Variants in UGT1A10 observed in about 807,000 individuals in gnomAD.
UGT1A10 encodes the protein UDP-glucuronosyltransferase 1A10.
In UGT1A10, 49 loss-of-function variants were observed where a neutral mutation model predicts 45.8. The ratio of observed to expected loss-of-function variants is 1.07; its 90% CI spans 0.85 to 1.36. The LOEUF (loss-of-function observed/expected upper bound fraction) is 1.36, where lower values mean the gene tolerates loss of function less well. Ranked by LOEUF, UGT1A10 falls within the 40% of genes most tolerant of loss-of-function variation. The pLI is 0.00. For missense variants in UGT1A10, 745 were observed against 668.6 expected, an observed-to-expected ratio of 1.11 and a Z score of -1.26; for synonymous variants, 284 against 249.7, an observed-to-expected ratio of 1.14 and a Z score of -1.29.
chr2:233,646,714 A>C (rs2073612623), intron 1 of UGT1A10, among the ~76,000 whole-genome samples: 1 of 152,192 alleles, frequency 6.6e-6, no homozygotes, highest in Non-Finnish European at 1.5e-5. Context: ...TTTATTGTCC[A>C]TATTGCTATC....
At chr2:233,741,248 A>G (rs997599929) in intron 1 of UGT1A10, among the ~76,000 whole-genome samples, 1 of 152,014 alleles carries the variant, frequency 6.6e-6, no homozygotes, top group East Asian at 1.9e-4. Context: ...TGACACTGGT[A>G]TGCCACTCTT....
In UGT1A10 at chr2:233,743,890, G is replaced by A. The variant is rs376911193; in HGVS notation, c.856-23144G>A. On this transcript the variant is annotated intron_variant, in intron 1 of 4. Transcript: ENST00000344644. ...CCTCGGATGAGGCCTGCCGGGGCAC[G>A]TCCAGCACCTCGTAGTAGTCCACCA... 9.6e-5 allele frequency: 131 copies of A among 1,366,674 alleles called. 1 individual carries two copies. The highest frequency in any genetic ancestry group is 6.3e-4 in the Middle Eastern group (3 of 4,786). The allele number at this position is 1,366,674 out of a possible 1,614,324, so 84.7% of individuals were successfully genotyped here. A position where few individuals can be genotyped will look rare whatever the true frequency, so the allele number is the denominator to read the frequency against.
intron 1 of UGT1A10, chr2:233,713,970 T>A (rs2076359096): frequency 3.1e-6 from 5 of 1,600,488 alleles, no homozygotes; most frequent in Non-Finnish European, 4.3e-6. Context: ...ATTTCATTTC[T>A]GCTTCTCATT....
chr2:233,730,639 T>C (rs1444875009), intron 1 of UGT1A10, among the ~76,000 whole-genome samples: 1 of 152,130 alleles, frequency 6.6e-6, no homozygotes, highest in African/African-American at 2.4e-5. Context: ...TGGTGCATGA[T>C]GTGGGGACAT....
intron 1 of UGT1A10, among the ~76,000 whole-genome samples, chr2:233,657,207 T>C (rs1393237754): frequency 1.3e-5 from 2 of 152,214 alleles, no homozygotes; most frequent in East Asian, 3.8e-4. Flanking sequence ...TCCTGGCTCA[T>C]GGGCTTTATT....
chr2:233,668,715 C>T (rs543159385), intron 1 of UGT1A10, among the ~76,000 whole-genome samples: 1 of 152,208 alleles, frequency 6.6e-6, no homozygotes, highest in African/African-American at 2.4e-5. Flanking sequence ...TCTCTAGCAC[C>T]TATGTACATT....
intron 1 of UGT1A10, among the ~76,000 whole-genome samples, chr2:233,724,489 G>GGTT (rs2077269335): frequency 1.4e-5 from 1 of 73,260 alleles, no homozygotes; most frequent in Non-Finnish European, 2.9e-5. Context: ...CAGACGGGGC[G>GGTT]GCCGGGCAGA....
chr2:233,761,904 G>A (rs887991064), intron 1 of UGT1A10, among the ~76,000 whole-genome samples: 2 of 152,234 alleles, frequency 1.3e-5, no homozygotes, highest in Non-Finnish European at 2.9e-5. Context: ...AAGATTGGCT[G>A]AGGATCTACT....
chr2:233,747,127 T>C, intron 1 of UGT1A10: 1 of 1,513,692 alleles, frequency 6.6e-7, no homozygotes, highest in South Asian at 1.2e-5. Context: ...GCTAAGTGGC[T>C]CAGTGACAAG....
chr2:233,645,928 A>T (rs2073590942), intron 1 of UGT1A10, among the ~76,000 whole-genome samples: 1 of 152,116 alleles, frequency 6.6e-6, no homozygotes, highest in Non-Finnish European at 1.5e-5. Context: ...TCAACCCCAA[A>T]TTTCCCTTCT....
At chr2:233,685,659 T>C (rs563821705) in intron 1 of UGT1A10, among the ~76,000 whole-genome samples, 1 of 152,360 alleles carries the variant, frequency 6.6e-6, no homozygotes, top group South Asian at 2.1e-4. Context: ...GGAGAGGCTA[T>C]GGCATAATGT....
chr2:233,743,437 C>G (rs1376111647), intron 1 of UGT1A10: 4 of 1,360,536 alleles, frequency 2.9e-6, no homozygotes, highest in East Asian at 4.6e-5. Flanking sequence ...GGAACGAAAT[C>G]CTGTATCAAA....
rs1004676304 is a variant in UGT1A10, at chr2:233,769,752, G to A, written c.1295+1313G>A. On this transcript the variant is annotated intron_variant, in intron 4 of 4. Transcript: ENST00000344644. This position sits in a 1 kb window ranked among gnomAD's most constrained non-coding sequence, Gnocchi z 4.4. ...CGCCTGTAGTCCCAGCCACTCTGGA[G>A]GCTAAGGCGGGAGGATTGCTTGAGC... is the stretch of plus-strand genomic sequence containing the variant. The A allele has an allele frequency of 7.0e-6, 10 of 1,432,670 alleles. No homozygotes were observed. In the African/African-American group the frequency reaches 1.3e-4, roughly 18 times the overall value. 88.7% of individuals were successfully genotyped at this position (1,432,670 alleles called of 1,614,324 possible). A position where few individuals can be genotyped will look rare whatever the true frequency, so the allele number is the denominator to read the frequency against.
chr2:233,697,318 G>A (rs2075384581), intron 1 of UGT1A10, among the ~76,000 whole-genome samples: 1 of 152,016 alleles, frequency 6.6e-6, no homozygotes. Context: ...GATTGTTTGT[G>A]TTTGGAAATG....
intron 1 of UGT1A10, among the ~76,000 whole-genome samples, chr2:233,752,079 A>T (rs1159289644): frequency 6.6e-6 from 1 of 152,210 alleles, no homozygotes; most frequent in Non-Finnish European, 1.5e-5. Flanking sequence ...AAGTCTCTCT[A>T]CCTGTTTGGA....
chr2:233,698,651 A>G (rs2075452461), intron 1 of UGT1A10, among the ~76,000 whole-genome samples: 2 of 152,254 alleles, frequency 1.3e-5, no homozygotes, highest in African/African-American at 4.8e-5. Flanking sequence ...AGCATGCTTT[A>G]TAGGTAACTA....
In UGT1A10 at chr2:233,710,482, T is replaced by C. The variant is rs369445777; in HGVS notation, c.856-56552T>C. ...CTAATGGGTGTGTAGTAGAATTTCA[T>C]TGGGTTTGAATTTGCATTCCTCTTA... On this transcript the variant is annotated intron_variant, in intron 1 of 4. Coordinates refer to ENST00000344644, the MANE Select transcript of UGT1A10 (RefSeq NM_019075.4). 7.9e-5 allele frequency among the ~76,000 whole-genome samples: 12 copies of C among 152,376 alleles called. No homozygotes were observed. In the South Asian group the frequency reaches 2.5e-3, roughly 32 times the overall value.
intron 1 of UGT1A10, among the ~76,000 whole-genome samples, chr2:233,712,595 G>A (rs1037088444): frequency 6.6e-6 from 1 of 152,200 alleles, no homozygotes; most frequent in African/African-American, 2.4e-5. Context: ...AGACCATATG[G>A]TTGGGGACTA....
intron 1 of UGT1A10, chr2:233,719,195 T>C (rs538577466): frequency 1.4e-5 from 23 of 1,614,258 alleles, no homozygotes; most frequent in Admixed American, 1.2e-4. Context: ...TGGCCCTTCA[T>C]AGGTGTTGTG....
Sources: gnomAD v4.1 joint callset for allele counts (sites outside exome capture counted in the v4.1 genomes callset) on GRCh38, gnomAD v4.1.1 for gene constraint, Gnocchi (gnomAD v3.1) non-coding constraint, MANE v1.5 for transcripts, NCBI Gene and HGNC (gene_info 2026-07-23, HGNC 2026-07-21) for gene names.